The following XPO7 variants were observed in gnomAD, a reference collection of about 807,000 sequenced individuals.
The protein encoded by XPO7 is exportin-7.
In XPO7, 21 loss-of-function variants were observed where a neutral mutation model predicts 144.3. That is an observed-to-expected ratio of 0.15 (90% CI 0.10 to 0.21). The LOEUF (loss-of-function observed/expected upper bound fraction) is 0.21. XPO7 is among the 10% of genes least tolerant of loss of function. The pLI, the probability that XPO7 is intolerant of heterozygous loss-of-function variation, is 1.00. For missense variants in XPO7, 808 were observed against 1,325.8 expected (o/e 0.61, Z 6.06); for synonymous variants, 580 against 499.6 (o/e 1.16, Z -2.15).
chr8:21,934,807 T>A (rs1585419857), intron 1 of XPO7, among the ~76,000 whole-genome samples: 1 of 152,240 alleles, frequency 6.6e-6, no homozygotes, highest in African/African-American at 2.4e-5. Context: ...TTTGGGTGAT[T>A]TATTAAAATG....
At chr8:21,990,502 A>G in intron 17 of XPO7, 95 bp downstream of exon 17, 1 of 1,379,784 alleles carries the variant, frequency 7.2e-7, no homozygotes, top group African/African-American at 1.4e-5. Flanking sequence ...GGTCCCGGGT[A>G]TTGCTACAGC....
intron 1 of XPO7, among the ~76,000 whole-genome samples, chr8:21,948,924 A>G (rs1811277066): frequency 1.3e-5 from 2 of 152,190 alleles, no homozygotes; most frequent in African/African-American, 2.4e-5. Flanking sequence ...CCTAAAGAGC[A>G]TAGCTACTGA....
At position 21,937,019 on chromosome 8, in the gene XPO7, C is replaced by A. The variant is rs1810842488; in HGVS notation, c.18+17231C>A. On this transcript the variant is annotated intron_variant, in intron 1 of 27. Coordinates refer to ENST00000252512, the MANE Select transcript of XPO7 (RefSeq NM_015024.5). The stretch of plus-strand genomic sequence containing the variant: ...CTCACTCTGCCATCAACCTTTAGAT[C>A]ACTCTTAACGGACTCAGACTTTGAC... Among the ~76,000 whole-genome samples the A allele has an allele frequency of 2.0e-5, 3 of 152,190 alleles. No homozygotes were observed. In the South Asian group the frequency reaches 6.2e-4, roughly 32 times the overall value.
intron 18 of XPO7, among the ~76,000 whole-genome samples, chr8:21,991,270 A>G (rs1193517893): frequency 1.3e-5 from 2 of 152,194 alleles, no homozygotes; most frequent in Admixed American, 1.3e-4. Flanking sequence ...GAAACAGTCA[A>G]CACCACTTTT....
chr8:21,989,912 C>T (rs780322675), intron 16 of XPO7, among the ~76,000 whole-genome samples: 15 of 127,928 alleles, frequency 1.2e-4, no homozygotes, highest in Admixed American at 2.0e-4. Context: ...TGCAGTTGCG[C>T]GATCTCGGCT....
intron 1 of XPO7, among the ~76,000 whole-genome samples, chr8:21,961,670 A>T (rs1811729487): frequency 6.6e-6 from 1 of 151,912 alleles, no homozygotes; most frequent in African/African-American, 2.4e-5. Flanking sequence ...TGTTTTTCTG[A>T]GACAGAGTCT....
At chr8:21,989,861 T>G (rs1812707194) in intron 16 of XPO7, among the ~76,000 whole-genome samples, 1 of 97,604 alleles carries the variant, frequency 1.0e-5, no homozygotes, top group Non-Finnish European at 2.0e-5. Flanking sequence ...TTTTTTTTTT[T>G]TTTTTTGAGA....
chr8:21,979,991 T>G, intron 8 of XPO7, 93 bp from the exon 9 acceptor site: 1 of 1,353,790 alleles, frequency 7.4e-7, no homozygotes, highest in Non-Finnish European at 9.7e-7. Context: ...TCAGATATCC[T>G]AAAGAAGGAT....
intron 20 of XPO7, among the ~76,000 whole-genome samples, chr8:21,994,828 C>T (rs1432708066): frequency 3.3e-5 from 5 of 151,994 alleles, no homozygotes; most frequent in Non-Finnish European, 5.9e-5. Context: ...CCGAGGTGGG[C>T]GGATCACGAG....
At chr8:21,975,687 C>T (rs1267967113) in intron 6 of XPO7, among the ~76,000 whole-genome samples, 4 of 152,176 alleles carry the variant, frequency 2.6e-5, no homozygotes, top group African/African-American at 9.7e-5. Flanking sequence ...CTGTTGCACC[C>T]GCTGGAGGGG....
chr8:21,956,597 T>C (rs561092529), intron 1 of XPO7, among the ~76,000 whole-genome samples: 2 of 152,228 alleles, frequency 1.3e-5, no homozygotes, highest in South Asian at 4.1e-4. Flanking sequence ...TTTTAAACTT[T>C]GCTCTTTCCC....
intron 24 of XPO7, among the ~76,000 whole-genome samples, chr8:22,000,858 T>C (rs1389989234): frequency 6.6e-6 from 1 of 152,180 alleles, no homozygotes; most frequent in Non-Finnish European, 1.5e-5. Flanking sequence ...ATAGTGATGA[T>C]ATGTTGCAAA....
rs957219586 is a variant in XPO7 at position 22,001,999 on chromosome 8, C to A, written c.2783-113C>A. The A allele has an allele frequency of 4.6e-6, 6 of 1,293,110 alleles. No individual in the cohort carries two copies. In the African/African-American group the frequency reaches 8.9e-5, roughly 19 times the overall value. The allele number at this position is 1,293,110 out of a possible 1,614,324, so 80.1% of individuals were successfully genotyped here. On this transcript the variant is annotated intron_variant, in intron 24 of 27. Transcript: ENST00000252512. Reference sequence around the variant, plus strand: ...GGTTAACAGGAGTCATCTTGAGCAACCGCCTTGGTTGAATTGGCCACGGTA... The same window carrying A: ...GGTTAACAGGAGTCATCTTGAGCAAACGCCTTGGTTGAATTGGCCACGGTA...
intron 1 of XPO7, among the ~76,000 whole-genome samples, chr8:21,933,870 A>G (rs963738765): frequency 1.3e-5 from 2 of 152,202 alleles, no homozygotes; most frequent in Non-Finnish European, 2.9e-5. Flanking sequence ...AAAAGAATTT[A>G]TACCCCCTTT....
intron 21 of XPO7, among the ~76,000 whole-genome samples, 189 bp downstream of exon 21, chr8:21,995,788 T>C (rs1220580455): frequency 1.3e-5 from 2 of 152,222 alleles, no homozygotes; most frequent in Admixed American, 6.5e-5. Flanking sequence ...CATAGTCAAC[T>C]GCAGGAAATA....
At chr8:21,925,112 T>C (rs1205297625) in intron 1 of XPO7, among the ~76,000 whole-genome samples, 3 of 152,194 alleles carry the variant, frequency 2.0e-5, no homozygotes, top group African/African-American at 7.2e-5. Context: ...TTCCAATACA[T>C]GTCTGGAATA....
chr8:21,941,577 TACAG>T (rs1413714233), intron 1 of XPO7, among the ~76,000 whole-genome samples: 29 of 152,358 alleles, frequency 1.9e-4, no homozygotes, highest in Middle Eastern at 3.4e-3. Context: ...ACATGTTCAG[TACAG>T]ACAGACAAAA....
At chr8:21,981,584 C>T (rs909541187) in intron 9 of XPO7, 147 bp from the exon 10 acceptor site, 13 of 923,794 alleles carry the variant, frequency 1.4e-5, no homozygotes, top group Non-Finnish European at 2.1e-5. Flanking sequence ...GAACATTATG[C>T]AGACGTATCA....
At chr8:21,969,635 GTAA>G in intron 3 of XPO7, 59 bp downstream of exon 3, 1 of 1,437,292 alleles carries the variant, frequency 7.0e-7, no homozygotes, top group Non-Finnish European at 9.7e-7. Context: ...TGATGTGCTA[GTAA>G]TAGTCAAATG....
Sources: gnomAD v4.1 joint callset for allele counts (sites outside exome capture counted in the v4.1 genomes callset) on GRCh38, gnomAD v4.1.1 for gene constraint, MANE v1.5 for transcripts, NCBI Gene and HGNC (gene_info 2026-07-23, HGNC 2026-07-21) for gene names.